MECOM: variants seen among roughly 807,000 people sequenced by gnomAD.
MECOM encodes histone-lysine N-methyltransferase MECOM.
MECOM carries 13 observed loss-of-function variants against 116.3 expected under a neutral mutation model. The ratio of observed to expected loss-of-function variants is 0.11; its 90% CI spans 0.07 to 0.18. The LOEUF (loss-of-function observed/expected upper bound fraction) is 0.18, where lower values mean the gene tolerates loss of function less well. Ranked by LOEUF, MECOM falls within the 10% of genes least tolerant of loss-of-function variation. The pLI is 1.00. For synonymous variants in MECOM, 528 were observed against 535.2 expected (o/e 0.99, Z 0.19); for missense variants, 1,299 against 1,509.0 (o/e 0.86, Z 2.31).
Position 169,466,626 on chromosome 3 carries a change from C to G in MECOM, c.38-85102G>C, listed in dbSNP as rs957544879. Among the ~76,000 whole-genome samples, 11 of 151,574 alleles carry G rather than the reference C, an allele frequency of 7.3e-5. No homozygotes were observed. The South Asian group carries it at 2.3e-3, about 32-fold the overall frequency. On this transcript the variant is annotated intron_variant, in intron 1 of 16. Transcript: ENST00000651503. Reference sequence around the variant, plus strand: ...TCTTGGTGATTCCACTCTTTTTTTTCCTCTTTCACTTCGGCCTCTTTAAAT... The same window carrying G: ...TCTTGGTGATTCCACTCTTTTTTTTGCTCTTTCACTTCGGCCTCTTTAAAT...
intron 1 of MECOM, among the ~76,000 whole-genome samples, chr3:169,517,040 T>C: frequency 6.6e-6 from 1 of 152,194 alleles, no homozygotes; most frequent in East Asian, 1.9e-4. Flanking sequence ...AAGTAATCTA[T>C]TGTCATCATG....
intron 1 of MECOM, among the ~76,000 whole-genome samples, chr3:169,433,643 A>AAG (rs1218841619): frequency 1.1e-5 from 1 of 94,670 alleles, no homozygotes. Context: ...GAGAAAGAGA[A>AAG]AGAAAGAAAG....
At chr3:169,292,063 G>A (rs1159378786) in intron 2 of MECOM, among the ~76,000 whole-genome samples, 1 of 152,186 alleles carries the variant, frequency 6.6e-6, no homozygotes, top group East Asian at 1.9e-4. Flanking sequence ...GTATTTTAAA[G>A]AGATTGGGGC....
At chr3:169,384,986 C>T (rs1014654103) in intron 1 of MECOM, among the ~76,000 whole-genome samples, 5 of 151,878 alleles carry the variant, frequency 3.3e-5, no homozygotes, top group South Asian at 2.1e-4. Flanking sequence ...TGCCTGTAGT[C>T]CCAGCCATTC....
chr3:169,556,687 C>CA (rs1298531587), intron 1 of MECOM, among the ~76,000 whole-genome samples: 1 of 152,128 alleles, frequency 6.6e-6, no homozygotes, highest in African/African-American at 2.4e-5. Flanking sequence ...TGTCCACACA[C>CA]ATCACTCCCT....
At chr3:169,488,551 AT>A (rs113377873) in intron 1 of MECOM, among the ~76,000 whole-genome samples, 22,233 of 151,872 alleles carry the variant, frequency 0.15, 1,875 homozygotes, top group African/African-American at 0.22. Context: ...ATCTCAGAAA[AT>A]AAAAAAGTAA....
chr3:169,305,454 T>G (rs1717498353), intron 2 of MECOM, among the ~76,000 whole-genome samples: 3 of 152,178 alleles, frequency 2.0e-5, no homozygotes, highest in Admixed American at 2.0e-4. Flanking sequence ...CAAAGCACTT[T>G]AGAAATCAGA....
intron 2 of MECOM, among the ~76,000 whole-genome samples, chr3:169,324,358 G>A (rs1173383313): frequency 6.6e-6 from 1 of 152,184 alleles, no homozygotes; most frequent in African/African-American, 2.4e-5. Context: ...GTATGAGAAC[G>A]GGAGATACAC....
At chr3:169,237,782 A>AT (rs1754273442) in intron 2 of MECOM, among the ~76,000 whole-genome samples, 1 of 152,094 alleles carries the variant, frequency 6.6e-6, no homozygotes, top group South Asian at 2.1e-4. Flanking sequence ...TAGTTCACCC[A>AT]TTTTTTAGAA....
At chr3:169,537,562 G>A (rs930936922) in intron 1 of MECOM, among the ~76,000 whole-genome samples, 39 of 152,046 alleles carry the variant, frequency 2.6e-4, no homozygotes, top group Non-Finnish European at 4.7e-4. Context: ...CTCAAAACCT[G>A]CCAATGTTAT....
chr3:169,147,488 G>A (rs1740267119), intron 2 of MECOM: 5 of 985,466 alleles, frequency 5.1e-6, no homozygotes, highest in Non-Finnish European at 6.0e-6. Context: ...AAGCCAGACG[G>A]GCTCCTCTTT....
At chr3:169,090,399 A>T (rs1719314635) in intron 14 of MECOM, among the ~76,000 whole-genome samples, 163 bp from the exon 15 acceptor site, 1 of 152,092 alleles carries the variant, frequency 6.6e-6, no homozygotes, top group Non-Finnish European at 1.5e-5. Flanking sequence ...AAATAATGTG[A>T]CTTCACAAAT....
At chr3:169,194,871 A>G (rs1349404649) in intron 2 of MECOM, among the ~76,000 whole-genome samples, 1 of 152,048 alleles carries the variant, frequency 6.6e-6, no homozygotes, top group Non-Finnish European at 1.5e-5. Context: ...TTCTGCGTGC[A>G]AATATTGTGC....
chr3:169,414,280 G>A (rs911079246), intron 1 of MECOM, among the ~76,000 whole-genome samples: 1 of 152,180 alleles, frequency 6.6e-6, no homozygotes, highest in African/African-American at 2.4e-5. Context: ...AACTCCAGCA[G>A]ACCTGCAGAC....
intron 2 of MECOM, among the ~76,000 whole-genome samples, chr3:169,337,209 C>T (rs970115398): frequency 1.3e-5 from 2 of 152,014 alleles, no homozygotes; most frequent in African/African-American, 4.8e-5. Context: ...AGAAAGAACA[C>T]CACCATTGTT....
chr3:169,335,520 G>T (rs1332433610), intron 2 of MECOM, among the ~76,000 whole-genome samples: 1 of 152,072 alleles, frequency 6.6e-6, no homozygotes, highest in Non-Finnish European at 1.5e-5. Flanking sequence ...AATGGGCAAA[G>T]TTTGTTCCAG....
chr3:169,101,955 C>T, intron 11 of MECOM, 105 bp downstream of exon 11: 3 of 1,047,720 alleles, frequency 2.9e-6, no homozygotes, highest in Non-Finnish European at 2.7e-6. Context: ...ATTATGGTGG[C>T]TATTAATCAT....
intron 2 of MECOM, among the ~76,000 whole-genome samples, chr3:169,309,386 T>C (rs574903107): frequency 1.3e-5 from 2 of 152,198 alleles, no homozygotes; most frequent in African/African-American, 4.8e-5. Context: ...TCAAGATATA[T>C]GAATAATATT....
At chr3:169,137,247 A>T (rs1373782477) in intron 3 of MECOM, among the ~76,000 whole-genome samples, 1 of 152,088 alleles carries the variant, frequency 6.6e-6, no homozygotes, top group Non-Finnish European at 1.5e-5. Context: ...TTTCATATGG[A>T]CATATCTGTC....
Sources: allele counts gnomAD v4.1 joint callset (sites outside exome capture counted in the v4.1 genomes callset), GRCh38; gene constraint gnomAD v4.1.1; transcripts MANE v1.5; gene names NCBI Gene and HGNC (gene_info 2026-07-23, HGNC 2026-07-21).